The following CNGB3 variants were observed in gnomAD, a reference collection of about 807,000 sequenced individuals.
The protein encoded by CNGB3 is cyclic nucleotide-gated channel beta-3.
CNGB3 carries 86 observed loss-of-function variants against 92.8 expected under a neutral mutation model. The observed-to-expected ratio is 0.93, with a 90% CI of 0.78 to 1.11. The LOEUF (loss-of-function observed/expected upper bound fraction) is 1.11, where lower values mean the gene tolerates loss of function less well. CNGB3 is among the 50% of genes least tolerant of loss of function. The probability of loss-of-function intolerance (pLI) is 0.00; values close to 1 mark genes in which losing one functional copy is unlikely to be tolerated. For synonymous variants in CNGB3, 333 were observed against 332.7 expected (o/e 1.00, Z -0.01); for missense variants, 1,026 against 956.8 (o/e 1.07, Z -0.95).
intron 2 of CNGB3, among the ~76,000 whole-genome samples, chr8:86,738,311 G>A (rs1825281314): frequency 6.6e-6 from 1 of 152,156 alleles, no homozygotes; most frequent in African/African-American, 2.4e-5. Flanking sequence ...GTCAGGTGGA[G>A]GAAATTAGAT....
At chr8:86,640,893 C>T (rs180986600) in intron 10 of CNGB3, among the ~76,000 whole-genome samples, 2 of 152,098 alleles carry the variant, frequency 1.3e-5, no homozygotes, top group African/African-American at 4.8e-5. Context: ...GAGTGACTCC[C>T]TCTTGAAAAG....
At chr8:86,653,580 T>C (rs1823446244) in intron 7 of CNGB3, among the ~76,000 whole-genome samples, 1 of 152,164 alleles carries the variant, frequency 6.6e-6, no homozygotes, top group Admixed American at 6.5e-5. Context: ...GAAAGGAACG[T>C]TCCATGTTAT....
chr8:86,694,134 C>A, intron 3 of CNGB3, among the ~76,000 whole-genome samples: 1 of 137,654 alleles, frequency 7.3e-6, no homozygotes. Flanking sequence ...GGCTGACCCC[C>A]CCACCTCCCT....
chr8:86,578,151 C>A (rs7839172), intron 17 of CNGB3, among the ~76,000 whole-genome samples: 3,603 of 152,168 alleles, frequency 0.024, 147 homozygotes, highest in African/African-American at 0.081. Context: ...CCTCGTGATC[C>A]GCCCGCCTTG....
At chr8:86,729,154 G>A (rs370947656) in intron 2 of CNGB3, among the ~76,000 whole-genome samples, 4 of 152,238 alleles carry the variant, frequency 2.6e-5, no homozygotes, top group South Asian at 4.1e-4. Flanking sequence ...CAAGCAATGC[G>A]CCTGTCAAAG....
chr8:86,679,893 G>A (rs146810423), intron 3 of CNGB3, among the ~76,000 whole-genome samples: 58 of 152,240 alleles, frequency 3.8e-4, no homozygotes, highest in African/African-American at 7.5e-4. Context: ...CATTCACAGC[G>A]GAAAGTCCAT....
intron 14 of CNGB3, among the ~76,000 whole-genome samples, 175 bp downstream of exon 14, chr8:86,611,413 G>A (rs933195112): frequency 1.3e-5 from 2 of 152,050 alleles, no homozygotes; most frequent in African/African-American, 2.4e-5. Context: ...ATATTGTCTT[G>A]TTCCTTTGTG....
chr8:86,705,370 TA>T (rs1036193060), intron 3 of CNGB3, among the ~76,000 whole-genome samples: 2 of 150,546 alleles, frequency 1.3e-5, no homozygotes, highest in Non-Finnish European at 1.5e-5. Flanking sequence ...CAGGTGTGAG[TA>T]AAAAAAAAGT....
chr8:86,689,691 C>T (rs1057193172), intron 3 of CNGB3, among the ~76,000 whole-genome samples: 2 of 151,982 alleles, frequency 1.3e-5, no homozygotes, highest in African/African-American at 4.8e-5. Context: ...AGGTATATCT[C>T]CTAATGCTAT....
intron 13 of CNGB3, among the ~76,000 whole-genome samples, chr8:86,625,338 C>T (rs926071026): frequency 6.6e-6 from 1 of 152,102 alleles, no homozygotes; most frequent in Non-Finnish European, 1.5e-5. Context: ...ATGGTGGGAA[C>T]TTCATAAATA....
chr8:86,661,804 A>T (rs1219439308), intron 6 of CNGB3: 1 of 1,576,262 alleles, frequency 6.3e-7, no homozygotes, highest in Non-Finnish European at 8.7e-7. Context: ...AACCACTTCA[A>T]TTGCTGACGA....
At chr8:86,578,238 G>T (rs1821695832) in intron 17 of CNGB3, among the ~76,000 whole-genome samples, 1 of 152,124 alleles carries the variant, frequency 6.6e-6, no homozygotes, top group South Asian at 2.1e-4. Context: ...TATCAGAGCT[G>T]AAACAAGAAA....
At chr8:86,594,777 C>T (rs1033122694) in intron 15 of CNGB3, among the ~76,000 whole-genome samples, 4 of 152,270 alleles carry the variant, frequency 2.6e-5, no homozygotes, top group Admixed American at 6.5e-5. Context: ...GGCACAATCT[C>T]GGCTCACTGC....
At chr8:86,720,800 A>G (rs1313508337) in intron 3 of CNGB3, among the ~76,000 whole-genome samples, 1 of 150,268 alleles carries the variant, frequency 6.7e-6, no homozygotes, top group Non-Finnish European at 1.5e-5. Context: ...CACAACTTAT[A>G]TATATTCCAT....
chr8:86,629,927 G>A (rs1462046760), intron 11 of CNGB3, among the ~76,000 whole-genome samples: 2 of 152,270 alleles, frequency 1.3e-5, no homozygotes, highest in East Asian at 3.9e-4. Context: ...TTATACTAGG[G>A]AGGAAAACCA....
chr8:86,675,997 G>C (rs1345065723), intron 3 of CNGB3, among the ~76,000 whole-genome samples: 2 of 152,144 alleles, frequency 1.3e-5, no homozygotes, highest in Non-Finnish European at 2.9e-5. Flanking sequence ...AAAGTGGTGG[G>C]GTTGCGGGGA....
rs558059438 is a variant in CNGB3 at position 86,598,140 on chromosome 8, A to G, written c.1781+5953T>C. 1.7e-4 allele frequency among the ~76,000 whole-genome samples: 26 copies of G among 152,352 alleles called. No homozygotes were observed. The South Asian group carries it at 5.0e-3, about 29-fold the overall frequency. On this transcript the variant is annotated intron_variant, in intron 15 of 17. Coordinates refer to ENST00000320005, the MANE Select transcript of CNGB3 (RefSeq NM_019098.5). ...CTTTGTTCTTATCCCTAAAAATGGC[A>G]TGAAAACATTAAATGGTTTTAAGTG...
chr8:86,626,177 A>C (rs1242461384), intron 12 of CNGB3, 97 bp from the exon 13 acceptor site: 1 of 851,408 alleles, frequency 1.2e-6, no homozygotes. Flanking sequence ...AAAGGAAACA[A>C]AATGCAAACA....
At chr8:86,585,687 T>C (rs2131540302) in intron 15 of CNGB3, among the ~76,000 whole-genome samples, 1 of 152,208 alleles carries the variant, frequency 6.6e-6, no homozygotes, top group South Asian at 2.1e-4. Context: ...GGATCCAGAG[T>C]TGGCTTAAAG....
Sources: allele counts gnomAD v4.1 joint callset (sites outside exome capture counted in the v4.1 genomes callset), GRCh38; gene constraint gnomAD v4.1.1; transcripts MANE v1.5; gene names NCBI Gene and HGNC (gene_info 2026-07-23, HGNC 2026-07-21).